The following SDR42E2 variants were observed in gnomAD, a reference collection of about 807,000 sequenced individuals.
The protein encoded by SDR42E2 is short chain dehydrogenase/reductase family 42E, member 2.
In SDR42E2, 20 loss-of-function variants were observed where a neutral mutation model predicts 10.5. The ratio of observed to expected loss-of-function variants is 1.90; its 90% CI spans 1.34 to 2.77. The LOEUF is 2.77. SDR42E2 is among the 30% of genes most tolerant of loss of function. SDR42E2 has a pLI of 0.00. For missense variants in SDR42E2, 162 were observed against 104.2 expected (o/e 1.55, Z -2.42); for synonymous variants, 72 against 39.2 (o/e 1.84, Z -3.12).
chr16:22,187,286 C>T (rs2142083322), intron 12 of SDR42E2, among the ~76,000 whole-genome samples: 1 of 152,270 alleles, frequency 6.6e-6, no homozygotes. Flanking sequence ...CAGGGTCTCA[C>T]TATATTGTCC....
chr16:22,188,277 T>G (rs944926998), intron 12 of SDR42E2, among the ~76,000 whole-genome samples: 2 of 152,152 alleles, frequency 1.3e-5, no homozygotes, highest in African/African-American at 4.8e-5. Flanking sequence ...TGTTCAGTGC[T>G]CTTTAACAAG....
At chr16:22,174,779 T>C (rs1010013099) in intron 7 of SDR42E2, among the ~76,000 whole-genome samples, 2 of 152,130 alleles carry the variant, frequency 1.3e-5, no homozygotes, top group African/African-American at 2.4e-5. Flanking sequence ...AGGAGAGTCA[T>C]GGATACCCTG....
chr16:22,182,159 G>A, intron 9 of SDR42E2, 53 bp from the exon 10 acceptor site: 1 of 407,952 alleles, frequency 2.5e-6, no homozygotes, highest in Non-Finnish European at 4.3e-6. Context: ...TGGAAGGGTG[G>A]GGCAGGCTGC....
intron 7 of SDR42E2, among the ~76,000 whole-genome samples, chr16:22,173,926 T>TATATAC (rs1022608277): frequency 2.0e-5 from 3 of 148,014 alleles, no homozygotes; most frequent in African/African-American, 7.5e-5. Flanking sequence ...TATATATATA[T>TATATAC]ATAGCTTTCT....
At chr16:22,187,921 T>C (rs1042627231) in intron 12 of SDR42E2, among the ~76,000 whole-genome samples, 3 of 151,750 alleles carry the variant, frequency 2.0e-5, no homozygotes, top group South Asian at 2.1e-4. Context: ...CGCAGTGAAA[T>C]CCTGTCTCTA....
At chr16:22,163,038 C>T (rs1224576897) in intron 1 of SDR42E2, among the ~76,000 whole-genome samples, 2 of 152,154 alleles carry the variant, frequency 1.3e-5, no homozygotes, top group Non-Finnish European at 1.5e-5. Flanking sequence ...GGAATGAAAT[C>T]CTCCTGGAGC....
chr16:22,189,746 T>A (rs2046757824), intron 12 of SDR42E2, among the ~76,000 whole-genome samples: 1 of 152,144 alleles, frequency 6.6e-6, no homozygotes, highest in Non-Finnish European at 1.5e-5. Flanking sequence ...CCTGCAGATG[T>A]TTCTGGCAGG....
chr16:22,171,110 A>T (rs574197280), intron 6 of SDR42E2, among the ~76,000 whole-genome samples, 159 bp downstream of exon 6: 81 of 152,228 alleles, frequency 5.3e-4, no homozygotes, highest in Non-Finnish European at 9.3e-4. Flanking sequence ...CTCCTGTTTC[A>T]GTTGGTCACA....
At chr16:22,182,187 G>C (rs550647440) in intron 9 of SDR42E2, 25 bp from the exon 10 acceptor site, 1 of 405,906 alleles carries the variant, frequency 2.5e-6, no homozygotes, top group Admixed American at 4.3e-5. Context: ...AAGGCTGACC[G>C]TCCCCTCCCA....
At chr16:22,173,273 G>A (rs989375051) in intron 7 of SDR42E2, among the ~76,000 whole-genome samples, 2 of 152,024 alleles carry the variant, frequency 1.3e-5, no homozygotes, top group African/African-American at 2.4e-5. Context: ...AGGCTGCAGT[G>A]AAATGGTGTG....
intron 11 of SDR42E2, among the ~76,000 whole-genome samples, chr16:22,185,695 C>T (rs556431479): frequency 6.6e-6 from 1 of 152,210 alleles, no homozygotes; most frequent in Non-Finnish European, 1.5e-5. Flanking sequence ...GCAGACTCAA[C>T]CTCCTGGGCT....
chr16:22,182,127 G>GGAGCA, intron 9 of SDR42E2, 85 bp from the exon 10 acceptor site: 1 of 407,030 alleles, frequency 2.5e-6, no homozygotes, highest in East Asian at 3.5e-5. Context: ...ACTCAGGGTT[G>GGAGCA]GAGCAGCTGC....
chr16:22,167,165 ATT>A (rs534502295), intron 4 of SDR42E2, among the ~76,000 whole-genome samples, 166 bp downstream of exon 4: 569 of 37,702 alleles, frequency 0.015, 59 homozygotes, highest in East Asian at 0.035. Context: ...CAGTTCTGCC[ATT>A]TTTTTTTTTT....
intron 8 of SDR42E2, among the ~76,000 whole-genome samples, chr16:22,180,470 G>A (rs946257696): frequency 1.3e-5 from 2 of 152,088 alleles, no homozygotes; most frequent in Non-Finnish European, 2.9e-5. Context: ...GGAAGCCGAG[G>A]AGGGAAGATT....
rs371130697 is a variant in SDR42E2 at position 22,182,247 on chromosome 16, C to T, written c.846C>T (p.Ser282=). The T allele has an allele frequency of 1.5e-5, 6 of 401,790 alleles. No homozygotes were observed. The South Asian group carries it at 5.0e-4, about 34-fold the overall frequency. 24.9% of individuals were successfully genotyped at this position (401,790 alleles called of 1,614,324 possible). The change falls in exon 10 of 13, where the codon AGC becomes AGT. Residue 282 remains serine, a synonymous_variant. Transcript: ENST00000602312. ...CGTACTACATCAACGATGGGGAGAG[C>T]GTCAACCTCTTTGAGTGGATGGCCC... is the stretch of plus-strand genomic sequence containing the variant. ...GQAYYINDGE[S]VNLFEWMAPL...
rs148368540 is a variant in SDR42E2, at chr16:22,164,583, C to T, written c.-36-964C>T. 3.4e-3 allele frequency among the ~76,000 whole-genome samples: 513 copies of T among 152,250 alleles called. 3 individuals carry two copies. Among genetic ancestry groups the T allele is most frequent in the African/African-American group, 0.012 (496 of 41,546 alleles). ...CTGAGGCTGCAAAGAACAGGATCCT[C>T]AGTGCTGTCCCCCTAGGCCCATAGA... On this transcript the variant is annotated intron_variant, in intron 1 of 12. Coordinates refer to ENST00000602312, the MANE Select transcript of SDR42E2 (RefSeq NM_001394319.2).
intron 9 of SDR42E2, 28 bp downstream of exon 9, chr16:22,181,684 C>T: frequency 1.4e-6 from 1 of 700,892 alleles, no homozygotes; most frequent in South Asian, 1.5e-5. Context: ...CCCCCAACCA[C>T]CTTCCCCACA....
At position 22,178,130 on chromosome 16, in the gene SDR42E2, G is replaced by A. The variant is rs1567242274; in HGVS notation, c.590G>A (p.Gly197Glu). 2.8e-6 allele frequency: 2 copies of A among 702,728 alleles called. No individual in the cohort carries two copies. Among genetic ancestry groups the A allele is most frequent in the African/African-American group, 3.5e-5 (2 of 57,360 alleles). 43.5% of individuals were successfully genotyped at this position (702,728 alleles called of 1,614,324 possible). Residue 197 changes from glycine to glutamate, a missense_variant and splice_region_variant, in exon 8 of 13, where the codon GGA becomes GAA. Gly to Glu is a moderately conservative substitution (Grantham distance 98). Coordinates refer to ENST00000602312, the MANE Select transcript of SDR42E2 (RefSeq NM_001394319.2). ...TLMANGMPLP[G>E]GGTLRTCVLR... ...CTGACCACGCTTCCCTGTGTGCTAGGAGGAGGCACTCTTCGGACGTGTGTG... is the reference window on the plus strand; with the variant it reads ...CTGACCACGCTTCCCTGTGTGCTAGAAGGAGGCACTCTTCGGACGTGTGTG...
chr16:22,164,790 C>T (rs1372549620), intron 1 of SDR42E2, among the ~76,000 whole-genome samples: 2 of 152,152 alleles, frequency 1.3e-5, no homozygotes, highest in Non-Finnish European at 2.9e-5. Flanking sequence ...TTCTCCTCCT[C>T]CTCCTCTTTC....
Sources: gnomAD v4.1 joint callset for allele counts (sites outside exome capture counted in the v4.1 genomes callset) on GRCh38, gnomAD v4.1.1 for gene constraint, MANE v1.5 for transcripts, NCBI Gene and HGNC (gene_info 2026-07-23, HGNC 2026-07-21) for gene names.